Variants in PLXNA4 observed in about 807,000 individuals in gnomAD.
The protein encoded by PLXNA4 is plexin A4, also known as plexin-A4.
Under a neutral mutation model 191.8 loss-of-function variants are expected in PLXNA4, and 44 were observed. The ratio of observed to expected loss-of-function variants is 0.23; its 90% confidence interval spans 0.18 to 0.29. PLXNA4 has a LOEUF of 0.29. Ranked by LOEUF, PLXNA4 falls within the 10% of genes least tolerant of loss-of-function variation. The pLI is 1.00. For synonymous variants in PLXNA4, 1,082 were observed against 1,009.5 expected, an observed-to-expected ratio of 1.07 and a Z score of -1.36; for missense variants, 1,800 against 2,488.8, an observed-to-expected ratio of 0.72 and a Z score of 5.89.
At chr7:132,314,506 T>C (rs1173207442) in intron 3 of PLXNA4, among the ~76,000 whole-genome samples, 1 of 152,030 alleles carries the variant, frequency 6.6e-6, no homozygotes, top group African/African-American at 2.4e-5. Context: ...GGGCCTTCCA[T>C]GGTTCACCCC....
chr7:132,589,172 G>T (rs1202647629), intron 2 of PLXNA4, among the ~76,000 whole-genome samples: 1 of 152,114 alleles, frequency 6.6e-6, no homozygotes, highest in East Asian at 1.9e-4. Context: ...CTACCCTTAG[G>T]GGGTTTCAGG....
At chr7:132,415,831 G>T (rs1794640787) in intron 3 of PLXNA4, among the ~76,000 whole-genome samples, 1 of 152,140 alleles carries the variant, frequency 6.6e-6, no homozygotes, top group South Asian at 2.1e-4. Context: ...GCTAGTAAGT[G>T]GTCAAGGAGA....
chr7:132,593,231 G>T (rs1449346688), intron 2 of PLXNA4, among the ~76,000 whole-genome samples: 2 of 152,136 alleles, frequency 1.3e-5, no homozygotes, highest in African/African-American at 4.8e-5. Context: ...ATCTAAATTA[G>T]CTCCTCTCCC....
At chr7:132,644,227 A>G (rs1206390012) in intron 2 of PLXNA4, among the ~76,000 whole-genome samples, 4 of 152,210 alleles carry the variant, frequency 2.6e-5, no homozygotes, top group Non-Finnish European at 5.9e-5. Context: ...CTCTCATGGT[A>G]CAATGGAGAC....
intron 3 of PLXNA4, among the ~76,000 whole-genome samples, chr7:132,316,582 C>G (rs11763352): frequency 6.6e-6 from 1 of 151,966 alleles, no homozygotes; most frequent in Non-Finnish European, 1.5e-5. Flanking sequence ...TTATGTACAT[C>G]ATTTCAGTGT....
At chr7:132,502,576 A>G (rs1017138890) in intron 2 of PLXNA4, among the ~76,000 whole-genome samples, 31 of 152,256 alleles carry the variant, frequency 2.0e-4, no homozygotes, top group African/African-American at 7.2e-4. Context: ...GCCCTACAAT[A>G]TCAGGCAGTC....
At chr7:132,205,315 C>T (rs1353773090) in intron 10 of PLXNA4, among the ~76,000 whole-genome samples, 2 of 152,138 alleles carry the variant, frequency 1.3e-5, no homozygotes, top group African/African-American at 4.8e-5. Flanking sequence ...TTCCAGGGCC[C>T]ATCCCAGATC....
At chr7:132,639,795 A>G (rs1803679215) in intron 2 of PLXNA4, among the ~76,000 whole-genome samples, 1 of 152,244 alleles carries the variant, frequency 6.6e-6, no homozygotes, top group Non-Finnish European at 1.5e-5. Context: ...CTCAAATTGT[A>G]AAAGTCTTAA....
intron 3 of PLXNA4, among the ~76,000 whole-genome samples, chr7:132,459,106 A>AC (rs1796410194): frequency 2.0e-5 from 3 of 152,012 alleles, no homozygotes; most frequent in African/African-American, 7.2e-5. Context: ...ACAGAGCACG[A>AC]CCGAACCAGA....
chr7:132,307,736 G>A lies in PLXNA4; in HGVS notation c.1372-9514C>T, dbSNP rs186224950. On this transcript the variant is annotated intron_variant, in intron 3 of 31. Transcript: ENST00000321063. ...TAGTCTCAGGGCTTGGAAGGTGGGC[G>A]TAAACCCTGCTTCTGTGTTCATGCT... Among the ~76,000 whole-genome samples, 25 of 152,280 alleles carry A rather than the reference G, an allele frequency of 1.6e-4. No individual in the cohort carries two copies. In the East Asian group the frequency reaches 3.5e-3, roughly 21 times the overall value.
At chr7:132,614,910 C>T (rs1803122070) in intron 2 of PLXNA4, among the ~76,000 whole-genome samples, 1 of 152,026 alleles carries the variant, frequency 6.6e-6, no homozygotes, top group Non-Finnish European at 1.5e-5. Context: ...GCCTGTGTCC[C>T]GCCGGCTTCC....
chr7:132,127,662 C>T lies in PLXNA4; in HGVS notation c.*2817G>A, dbSNP rs1489474145. On this transcript the variant is annotated 3_prime_UTR_variant, in exon 32 of 32. Transcript: ENST00000321063. The stretch of plus-strand genomic sequence containing the variant: ...TGGCTCAAATTTCTCAGTCCCCAAG[C>T]AGGCCACGGGGACTGCAGCAAACAG... 1.3e-5 allele frequency: 2 copies of T among 152,180 alleles called. No individual in the cohort carries two copies. The highest frequency in any genetic ancestry group is 2.9e-5 in the Non-Finnish European group (2 of 68,040). The allele number at this position is 152,180 out of a possible 1,614,324, so 9.4% of individuals were successfully genotyped here. A position where few individuals can be genotyped will look rare whatever the true frequency, so the allele number is the denominator to read the frequency against.
intron 3 of PLXNA4, among the ~76,000 whole-genome samples, chr7:132,347,579 G>A (rs987973706): frequency 9.9e-5 from 15 of 152,186 alleles, no homozygotes; most frequent in African/African-American, 7.2e-5. Context: ...GTCCAAAATC[G>A]TTTGGTAGGA....
At chr7:132,362,448 A>C (rs1384772321) in intron 3 of PLXNA4, among the ~76,000 whole-genome samples, 1 of 152,236 alleles carries the variant, frequency 6.6e-6, no homozygotes, top group Non-Finnish European at 1.5e-5. Context: ...GTGATAAATC[A>C]GGGGCACCCA....
intron 3 of PLXNA4, among the ~76,000 whole-genome samples, chr7:132,401,117 CA>C (rs1232835731): frequency 2.0e-5 from 3 of 152,302 alleles, no homozygotes; most frequent in African/African-American, 7.2e-5. Flanking sequence ...AGACTAAATA[CA>C]CACTCGCCAA....
intron 9 of PLXNA4, among the ~76,000 whole-genome samples, chr7:132,217,106 C>A (rs759202674): frequency 1.3e-5 from 2 of 152,184 alleles, no homozygotes; most frequent in African/African-American, 4.8e-5. Context: ...GTGACTCCAG[C>A]GAGCTCCAGG....
At position 132,150,106 on chromosome 7, in the gene PLXNA4, G is replaced by A. The variant is rs557848580; in HGVS notation, c.4661-1460C>T. 8.4e-4 allele frequency among the ~76,000 whole-genome samples: 128 copies of A among 152,318 alleles called. 4 individuals carry two copies. The South Asian group carries it at 0.026, about 31-fold the overall frequency. On this transcript the variant is annotated intron_variant, in intron 25 of 31. Transcript: ENST00000321063. ...AGGGACTACATGCTTGTTCACTGGAGCAAGAAGTCTCTGGGGACCATCCAT... is the reference window on the plus strand; with the variant it reads ...AGGGACTACATGCTTGTTCACTGGAACAAGAAGTCTCTGGGGACCATCCAT...
At chr7:132,529,756 C>T (rs958768165) in intron 1 of PLXNA4, among the ~76,000 whole-genome samples, 3 of 152,074 alleles carry the variant, frequency 2.0e-5, no homozygotes, top group Non-Finnish European at 4.4e-5. Flanking sequence ...CAGGTGCCTG[C>T]CACCATGCCC....
Position 132,127,891 on chromosome 7 carries a change from C to CA in PLXNA4, c.*2587dup, listed in dbSNP as rs1794815128. The CA allele has an allele frequency of 2.3e-5, 1 of 43,368 alleles. No individual in the cohort carries two copies. Among genetic ancestry groups the CA allele is most frequent in the African/African-American group, 5.3e-5 (1 of 18,970 alleles). 2.7% of individuals were successfully genotyped at this position (43,368 alleles called of 1,614,324 possible). A position where few individuals can be genotyped will look rare whatever the true frequency, so the allele number is the denominator to read the frequency against. The stretch of plus-strand genomic sequence containing the variant: ...TCCTGTACCGCCAAAGTAACAATAA[C>CA]AATAATCATCATCCAGTAAAAAATA... On this transcript the variant is annotated 3_prime_UTR_variant, in exon 32 of 32. Transcript: ENST00000321063.
Sources: allele counts gnomAD v4.1 joint callset (sites outside exome capture counted in the v4.1 genomes callset), GRCh38; gene constraint gnomAD v4.1.1; transcripts MANE v1.5; gene names NCBI Gene and HGNC (gene_info 2026-07-23, HGNC 2026-07-21).